The following TMTC2 variants were observed in gnomAD, a reference collection of about 807,000 sequenced individuals.
TMTC2 encodes protein O-mannosyl-transferase TMTC2.
TMTC2 carries 43 observed loss-of-function variants against 82.4 expected under a neutral mutation model. The ratio of observed to expected loss-of-function variants is 0.52; its 90% CI spans 0.41 to 0.67. The LOEUF (loss-of-function observed/expected upper bound fraction) is 0.67. Among genes scored for constraint, TMTC2 ranks in the 30% least tolerant of loss-of-function variants. The pLI, the probability that TMTC2 is intolerant of heterozygous loss-of-function variation, is 0.00. For synonymous variants in TMTC2, 408 were observed against 381.9 expected (o/e 1.07, Z -0.80); for missense variants, 919 against 1,012.4 (o/e 0.91, Z 1.25).
chr12:82,903,411 GT>G (rs1372134657), intron 3 of TMTC2, among the ~76,000 whole-genome samples: 1 of 151,962 alleles, frequency 6.6e-6, no homozygotes, highest in Non-Finnish European at 1.5e-5. Flanking sequence ...TTTTTGTTTT[GT>G]TTTTGTTTTG....
chr12:83,049,658 A>G (rs758870640), intron 9 of TMTC2, among the ~76,000 whole-genome samples: 2 of 152,262 alleles, frequency 1.3e-5, no homozygotes, highest in Non-Finnish European at 2.9e-5. Context: ...AACGATTTCT[A>G]TTATTTCGCG....
At chr12:83,020,738 C>T (rs559332531) in intron 8 of TMTC2, among the ~76,000 whole-genome samples, 1 of 152,124 alleles carries the variant, frequency 6.6e-6, no homozygotes, top group Non-Finnish European at 1.5e-5. Flanking sequence ...ATTATCTCCA[C>T]TGAAATGTTA....
chr12:82,919,037 T>TA, intron 3 of TMTC2, among the ~76,000 whole-genome samples: 1 of 152,358 alleles, frequency 6.6e-6, no homozygotes, highest in East Asian at 1.9e-4. Flanking sequence ...ATTACAGGCG[T>TA]AAGCCACCAC....
intron 4 of TMTC2, among the ~76,000 whole-genome samples, chr12:82,934,929 G>A (rs141616463): frequency 2.0e-5 from 3 of 152,044 alleles, no homozygotes; most frequent in African/African-American, 4.8e-5. Flanking sequence ...GGCGTGAGAT[G>A]GTATCTCATT....
chr12:82,761,720 T>G (rs1876643611), intron 1 of TMTC2, among the ~76,000 whole-genome samples: 1 of 152,136 alleles, frequency 6.6e-6, no homozygotes, highest in Admixed American at 6.5e-5. Flanking sequence ...ATGCTAGTGC[T>G]GTGTACCCAG....
chr12:82,688,295 C>T (rs1448492184), intron 1 of TMTC2, among the ~76,000 whole-genome samples: 1 of 152,176 alleles, frequency 6.6e-6, no homozygotes, highest in African/African-American at 2.4e-5. Context: ...ATAAAAGCCT[C>T]GGCTTTCTCA....
chr12:82,946,075 T>C (rs1172735425), intron 4 of TMTC2, among the ~76,000 whole-genome samples: 1 of 152,226 alleles, frequency 6.6e-6, no homozygotes, highest in Non-Finnish European at 1.5e-5. Flanking sequence ...CAATTCTATT[T>C]AAATTAGCAA....
chr12:82,873,295 C>A (rs942657160), intron 2 of TMTC2, among the ~76,000 whole-genome samples: 2 of 149,920 alleles, frequency 1.3e-5, no homozygotes, highest in Non-Finnish European at 1.5e-5. Flanking sequence ...GTTTTGACTT[C>A]GAACCATGTG....
chr12:83,000,130 G>A (rs1258088931), intron 8 of TMTC2, among the ~76,000 whole-genome samples: 1 of 89,108 alleles, frequency 1.1e-5, no homozygotes, highest in Non-Finnish European at 2.6e-5. Context: ...AAAATCCAGT[G>A]GGGGCAGTCA....
intron 1 of TMTC2, among the ~76,000 whole-genome samples, chr12:82,737,937 G>A (rs1592889383): frequency 6.6e-6 from 1 of 152,172 alleles, no homozygotes; most frequent in South Asian, 2.1e-4. Context: ...TTTGGGCAGT[G>A]ATATGGAATA....
chr12:82,876,040 T>TGGTGGC (rs1555193435), intron 2 of TMTC2, among the ~76,000 whole-genome samples: 3 of 107,770 alleles, frequency 2.8e-5, no homozygotes, highest in Non-Finnish European at 5.8e-5. Context: ...GTGGTGGTGG[T>TGGTGGC]GGTGGTGGTG....
chr12:82,719,240 C>T (rs941302966), intron 1 of TMTC2, among the ~76,000 whole-genome samples: 9 of 151,222 alleles, frequency 6.0e-5, no homozygotes, highest in East Asian at 1.9e-4. Flanking sequence ...ATTGCAGGCG[C>T]ACACCACCAC....
At chr12:82,819,961 G>A (rs536235168) in intron 1 of TMTC2, among the ~76,000 whole-genome samples, 1 of 152,294 alleles carries the variant, frequency 6.6e-6, no homozygotes, top group South Asian at 2.1e-4. Context: ...GAGCAAGGAA[G>A]CTAGTCCAAG....
At chr12:82,693,634 C>T (rs917436095) in intron 1 of TMTC2, among the ~76,000 whole-genome samples, 5 of 152,244 alleles carry the variant, frequency 3.3e-5, no homozygotes, top group East Asian at 3.9e-4. Flanking sequence ...GTTTACCTTT[C>T]CAGTTATATT....
intron 1 of TMTC2, among the ~76,000 whole-genome samples, chr12:82,716,344 G>A (rs1208671354): frequency 1.3e-5 from 2 of 150,836 alleles, no homozygotes; most frequent in African/African-American, 2.4e-5. Flanking sequence ...ATTCACATTC[G>A]TATGCTTGTC....
At chr12:83,078,350 G>A (rs1883356852) in intron 11 of TMTC2, among the ~76,000 whole-genome samples, 1 of 152,104 alleles carries the variant, frequency 6.6e-6, no homozygotes, top group Admixed American at 6.5e-5. Context: ...TTGTTATACT[G>A]TTAAGCTCCT....
At chr12:83,115,338 T>C (rs994282690) in intron 11 of TMTC2, among the ~76,000 whole-genome samples, 1 of 152,190 alleles carries the variant, frequency 6.6e-6, no homozygotes, top group African/African-American at 2.4e-5. Context: ...AAAGATACTG[T>C]ATGATTTTGT....
chr12:82,916,157 A>G (rs1271657193), intron 3 of TMTC2, among the ~76,000 whole-genome samples: 5 of 152,232 alleles, frequency 3.3e-5, no homozygotes, highest in Non-Finnish European at 7.3e-5. Flanking sequence ...TATAGTTGTT[A>G]CATAAACAGG....
At chr12:83,125,183 T>C (rs572311948) in intron 11 of TMTC2, among the ~76,000 whole-genome samples, 10 of 152,268 alleles carry the variant, frequency 6.6e-5, no homozygotes, top group Admixed American at 5.9e-4. Context: ...CTCCCAGAGG[T>C]CTACTGTCTG....
Sources: allele counts gnomAD v4.1 joint callset (sites outside exome capture counted in the v4.1 genomes callset), GRCh38; gene constraint gnomAD v4.1.1; transcripts MANE v1.5; gene names NCBI Gene and HGNC (gene_info 2026-07-23, HGNC 2026-07-21).